Variants in EML4 observed in about 807,000 individuals in gnomAD.
The protein encoded by EML4 is echinoderm microtubule-associated protein-like 4.
A neutral mutation model predicts 129.0 loss-of-function variants in EML4; 72 were observed. That is an observed-to-expected ratio of 0.56 (90% CI 0.46 to 0.68). The LOEUF (loss-of-function observed/expected upper bound fraction) is 0.68. Ranked by LOEUF, EML4 falls within the 30% of genes least tolerant of loss-of-function variation. The pLI, the probability that EML4 is intolerant of heterozygous loss-of-function variation, is 0.00. For missense variants in EML4, 1,363 were observed against 1,190.6 expected (o/e 1.14, Z -2.13); for synonymous variants, 532 against 405.0 (o/e 1.31, Z -3.77).
intron 1 of EML4, among the ~76,000 whole-genome samples, chr2:42,195,958 G>A (rs1379980755): frequency 6.6e-6 from 1 of 152,058 alleles, no homozygotes; most frequent in Non-Finnish European, 1.5e-5. Context: ...TTTCATGGCA[G>A]ACAAATATAT....
intron 13 of EML4, among the ~76,000 whole-genome samples, chr2:42,298,100 A>G (rs762037450): frequency 1.3e-5 from 2 of 152,240 alleles, no homozygotes; most frequent in African/African-American, 2.4e-5. Context: ...CTACAGAACC[A>G]TTAAAATGTT....
chr2:42,223,926 G>A (rs369174807), intron 1 of EML4, among the ~76,000 whole-genome samples: 23 of 151,966 alleles, frequency 1.5e-4, no homozygotes, highest in African/African-American at 5.6e-4. Flanking sequence ...TACCACTACG[G>A]GTTCTCCTTC....
chr2:42,181,801 A>T (rs537409532), intron 1 of EML4, among the ~76,000 whole-genome samples: 68 of 152,228 alleles, frequency 4.5e-4, no homozygotes, highest in Admixed American at 4.1e-3. Context: ...CAGCCCTAGA[A>T]TCAGCCATTT....
intron 21 of EML4, among the ~76,000 whole-genome samples, chr2:42,328,309 A>G (rs896542159): frequency 6.6e-6 from 1 of 152,204 alleles, no homozygotes; most frequent in African/African-American, 2.4e-5. Context: ...GTGCTGCATA[A>G]TGATTCAGAA....
Position 42,330,103 on chromosome 2 carries a change from G to T in EML4, c.2842G>T (p.Asp948Tyr). 6.2e-7 allele frequency: 1 copy of T among 1,612,766 alleles called. No homozygotes were observed. The part of the protein sequence containing the change: ...SEEESEEGSG[D>Y]LGEPLYEEPC... Reference sequence around the variant, plus strand: ...GGAGGAGAGTGAAGAGGGCAGCGGAGACCTTGGTGAGCCTCTTTATGAAGA... The same window carrying T: ...GGAGGAGAGTGAAGAGGGCAGCGGATACCTTGGTGAGCCTCTTTATGAAGA... The change falls in exon 23 of 23, where the codon GAC becomes TAC. Residue 948 changes from aspartate to tyrosine, a missense_variant. Transcript: ENST00000318522.
intron 1 of EML4, among the ~76,000 whole-genome samples, chr2:42,212,909 G>A (rs1185023364): frequency 6.6e-6 from 1 of 152,152 alleles, no homozygotes; most frequent in Non-Finnish European, 1.5e-5. Context: ...TTCCAGTCCT[G>A]GCTGTGCCCT....
intron 14 of EML4, 94 bp downstream of exon 14, chr2:42,301,486 A>G (rs1318208827): frequency 3.0e-6 from 3 of 990,450 alleles, no homozygotes; most frequent in Non-Finnish European, 4.2e-6. Context: ...TGGCAAACTT[A>G]TTAAATTCTT....
chr2:42,283,053 G>T, intron 8 of EML4, 81 bp downstream of exon 8: 1 of 1,244,152 alleles, frequency 8.0e-7, no homozygotes, highest in Non-Finnish European at 1.1e-6. Context: ...TTTATTGAAA[G>T]TGATTTCTTG....
chr2:42,287,675 G>A (rs1044692337), intron 10 of EML4, among the ~76,000 whole-genome samples: 9 of 152,096 alleles, frequency 5.9e-5, no homozygotes, highest in Non-Finnish European at 1.0e-4. Context: ...CAGAAAAACA[G>A]GAAATTTCAT....
intron 11 of EML4, among the ~76,000 whole-genome samples, chr2:42,291,133 G>A (rs945933791): frequency 2.0e-5 from 3 of 152,178 alleles, no homozygotes; most frequent in Non-Finnish European, 4.4e-5. Context: ...GATGCAGTAG[G>A]CGCAGAATAA....
In EML4 at chr2:42,322,447, G is replaced by C. The variant is rs72972065; in HGVS notation, c.2155-3020G>C. Among the ~76,000 whole-genome samples, 138 of 152,316 alleles carry C rather than the reference G, an allele frequency of 9.1e-4. 1 individual carries two copies. Among genetic ancestry groups the C allele is most frequent in the African/African-American group, 3.2e-3 (132 of 41,568 alleles). ...TCCTAAATTGAGACCTTGGTTGCTT[G>C]GTTGCTTGGTTGTTTTTTAACTCCC... On this transcript the variant is annotated intron_variant, in intron 19 of 22. Transcript: ENST00000318522.
Position 42,295,415 on chromosome 2 carries a change from C to T in EML4, c.1388C>T (p.Ala463Val), listed in dbSNP as rs778614737. 3.1e-6 allele frequency: 5 copies of T among 1,613,790 alleles called. No homozygotes were observed. The highest frequency in any genetic ancestry group is 3.3e-5 in the Admixed American group (2 of 59,978). Residue 463 changes from alanine (A) to valine (V), a missense_variant, in exon 13 of 23, where the codon GCA (alanine) becomes GTA (valine). Coordinates refer to ENST00000318522, the MANE Select transcript of EML4 (RefSeq NM_019063.5). ...YEKPKFVQCLAFLGNGDVLTG... is the reference protein window; with the variant it reads ...YEKPKFVQCLVFLGNGDVLTG... ...AAGCCAAAATTTGTGCAGTGTTTAG[C>T]ATTCTTGGGGAATGGAGATGTTCTT...
rs1311075412 is a variant in EML4 at position 42,244,030 on chromosome 2, T to G, written c.26-1475T>G. Among the ~76,000 whole-genome samples, 2 of 152,082 alleles carry G rather than the reference T, an allele frequency of 1.3e-5. 1 individual carries two copies. Among genetic ancestry groups the G allele is most frequent in the Non-Finnish European group, 2.9e-5 (2 of 68,010 alleles). On this transcript the variant is annotated intron_variant, in intron 1 of 22. Coordinates refer to ENST00000318522, the MANE Select transcript of EML4 (RefSeq NM_019063.5). ...AACAGTTAGTTATTTCCCTGAATTTTCCTGCTTATACTGAATGAACCAATA... is the reference window on the plus strand; with the variant it reads ...AACAGTTAGTTATTTCCCTGAATTTGCCTGCTTATACTGAATGAACCAATA...
At chr2:42,248,955 A>G (rs1483516663) in intron 2 of EML4, among the ~76,000 whole-genome samples, 1 of 152,184 alleles carries the variant, frequency 6.6e-6, no homozygotes, top group Non-Finnish European at 1.5e-5. Context: ...AGACATTGAG[A>G]GAAATACATA....
At chr2:42,272,426 A>G (rs1221278857) in intron 6 of EML4, among the ~76,000 whole-genome samples, 1 of 152,184 alleles carries the variant, frequency 6.6e-6, no homozygotes, top group Non-Finnish European at 1.5e-5. Context: ...GCACCTGTAT[A>G]CTGACCACCC....
Position 42,330,014 on chromosome 2 carries a change from G to GT in EML4, c.2755dup (p.Ser919PhefsTer17). ...GCTGAAGAGGAAAGTAGAATAAGCA[G>GT]TTCTCCCACACTTCTGGAGAACAGC... On this transcript the variant is annotated frameshift_variant, in exon 23 of 23. Coordinates refer to ENST00000318522, the MANE Select transcript of EML4 (RefSeq NM_019063.5). LOFTEE classifies it high-confidence loss of function. 1 of 1,613,782 alleles carries GT rather than the reference G, an allele frequency of 6.2e-7. No homozygotes were observed. Among genetic ancestry groups the GT allele is most frequent in the Non-Finnish European group, 8.5e-7 (1 of 1,179,994 alleles).
At chr2:42,197,156 A>G (rs1352299576) in intron 1 of EML4, among the ~76,000 whole-genome samples, 2 of 152,142 alleles carry the variant, frequency 1.3e-5, no homozygotes, top group Non-Finnish European at 2.9e-5. Context: ...TTGACCTCCC[A>G]GGATCAGGTG....
intron 16 of EML4, 23 bp from the exon 17 acceptor site, chr2:42,304,461 A>C (rs975264984): frequency 2.5e-6 from 4 of 1,609,360 alleles, no homozygotes; most frequent in South Asian, 1.1e-5. Context: ...GTACTCCCCA[A>C]CAGCTGTCTG....
At chr2:42,208,616 G>C (rs973008865) in intron 1 of EML4, among the ~76,000 whole-genome samples, 2 of 151,646 alleles carry the variant, frequency 1.3e-5, no homozygotes, top group Admixed American at 1.3e-4. Flanking sequence ...TATGTTTTTA[G>C]TAGAGACGGG....
Sources: allele counts gnomAD v4.1 joint callset (sites outside exome capture counted in the v4.1 genomes callset), GRCh38; gene constraint gnomAD v4.1.1; transcripts MANE v1.5; gene names NCBI Gene and HGNC (gene_info 2026-07-23, HGNC 2026-07-21).